The following GSTCD variants were observed in gnomAD, a reference collection of about 807,000 sequenced individuals.
The protein encoded by GSTCD is glutathione S-transferase C-terminal domain containing, also known as glutathione S-transferase C-terminal domain-containing protein.
GSTCD carries 44 observed loss-of-function variants against 68.3 expected under a neutral mutation model. The observed-to-expected ratio is 0.64, with a 90% CI of 0.51 to 0.83. The LOEUF is 0.83. Among genes scored for constraint, GSTCD ranks in the 40% least tolerant of loss-of-function variants. The pLI is 0.00. For missense variants in GSTCD, 739 were observed against 735.9 expected (o/e 1.00, Z -0.05); for synonymous variants, 273 against 255.2 (o/e 1.07, Z -0.67).
intron 5 of GSTCD, among the ~76,000 whole-genome samples, chr4:105,767,275 G>A (rs1336619679): frequency 1.3e-5 from 2 of 152,138 alleles, no homozygotes; most frequent in Non-Finnish European, 2.9e-5. Context: ...CTTGTTATAA[G>A]AGTAAGTTAC....
At chr4:105,791,989 G>A (rs1233578249) in intron 5 of GSTCD, among the ~76,000 whole-genome samples, 1 of 152,034 alleles carries the variant, frequency 6.6e-6, no homozygotes, top group Admixed American at 6.5e-5. Context: ...AGAAATTTAA[G>A]GAAAATAATG....
chr4:105,787,949 G>A (rs1406400196), intron 5 of GSTCD, among the ~76,000 whole-genome samples: 1 of 151,982 alleles, frequency 6.6e-6, no homozygotes, highest in African/African-American at 2.4e-5. Context: ...CTACAAAATT[G>A]ATAAAGTAAA....
At chr4:105,797,076 G>GTGTGTA (rs1553963658) in intron 5 of GSTCD, among the ~76,000 whole-genome samples, 1 of 151,254 alleles carries the variant, frequency 6.6e-6, no homozygotes, top group African/African-American at 2.4e-5. Context: ...GTGTGTGTGT[G>GTGTGTA]TGTATGTGTG....
chr4:105,748,058 C>A (rs895058045), intron 5 of GSTCD, among the ~76,000 whole-genome samples: 3 of 151,928 alleles, frequency 2.0e-5, no homozygotes, highest in Admixed American at 1.3e-4. Flanking sequence ...AGTTCAAGAC[C>A]AGCCTGTCCA....
At position 105,733,734 on chromosome 4, in the gene GSTCD, G is replaced by A. The variant is rs140524655; in HGVS notation, c.1240+4235G>A. On this transcript the variant is annotated intron_variant, in intron 5 of 11. Coordinates refer to ENST00000515279, the MANE Select transcript of GSTCD (RefSeq NM_001370181.1). ...GTGAATTTGATCCTGTCATTATGAT[G>A]TTAGCTGGTTATTTTGCTCGTTAGT... Among the ~76,000 whole-genome samples the A allele has an allele frequency of 2.7e-3, 414 of 152,302 alleles. 1 individual carries two copies. The highest frequency in any genetic ancestry group is 9.0e-3 in the African/African-American group (373 of 41,558).
At chr4:105,715,424 G>A (rs1732653598) in intron 1 of GSTCD, among the ~76,000 whole-genome samples, 1 of 151,974 alleles carries the variant, frequency 6.6e-6, no homozygotes, top group South Asian at 2.1e-4. Context: ...AAGTTAAAAA[G>A]TTGTTGCTTT....
At position 105,717,836 on chromosome 4, in the gene GSTCD, A is replaced by G; in HGVS notation, c.223A>G (p.Ile75Val). 1 of 1,613,564 alleles carries G rather than the reference A, an allele frequency of 6.2e-7. No individual in the cohort carries two copies. The highest frequency in any genetic ancestry group is 8.5e-7 in the Non-Finnish European group (1 of 1,179,490). ...CCTGATCCAGGATGTTGAAATACAG[A>G]TTATTTCAAGGCAGGAGCTCCCACC... ...DDLIQDVEIQ[I>V]ISRQELPPIV... The change falls in exon 2 of 12, where the codon ATT becomes GTT. Residue 75 changes from isoleucine (I) to valine (V), a missense_variant. Coordinates refer to ENST00000515279, the MANE Select transcript of GSTCD (RefSeq NM_001370181.1).
intron 5 of GSTCD, among the ~76,000 whole-genome samples, chr4:105,758,747 G>A (rs1013508598): frequency 6.6e-6 from 1 of 152,110 alleles, no homozygotes; most frequent in African/African-American, 2.4e-5. Context: ...ATTACATATT[G>A]CTAAACTGAT....
At chr4:105,814,210 A>T (rs1722873565) in intron 5 of GSTCD, among the ~76,000 whole-genome samples, 1 of 152,192 alleles carries the variant, frequency 6.6e-6, no homozygotes, top group African/African-American at 2.4e-5. Flanking sequence ...ATCCATTGTT[A>T]CTTAGGATAA....
At chr4:105,716,763 AG>A (rs1480208891) in intron 1 of GSTCD, among the ~76,000 whole-genome samples, 1 of 152,236 alleles carries the variant, frequency 6.6e-6, no homozygotes, top group African/African-American at 2.4e-5. Flanking sequence ...GCTGTTTTAG[AG>A]GAATAACAAT....
chr4:105,805,566 A>G (rs1399934263), intron 5 of GSTCD, among the ~76,000 whole-genome samples: 1 of 152,094 alleles, frequency 6.6e-6, no homozygotes, highest in Admixed American at 6.6e-5. Context: ...GGAACAGAGT[A>G]TACTCTGATG....
chr4:105,818,700 C>T (rs921016126), intron 5 of GSTCD, among the ~76,000 whole-genome samples: 3 of 151,536 alleles, frequency 2.0e-5, no homozygotes, highest in South Asian at 4.2e-4. Flanking sequence ...TATGGAACAA[C>T]GAGACAGAAT....
At chr4:105,723,158 G>A (rs1477170352) in intron 3 of GSTCD, among the ~76,000 whole-genome samples, 1 of 151,930 alleles carries the variant, frequency 6.6e-6, no homozygotes, top group Admixed American at 6.6e-5. Context: ...GAGGAAAAGA[G>A]AAAATTTCTT....
At chr4:105,717,504 C>G (rs1443067281) in intron 1 of GSTCD, 89 bp from the exon 2 acceptor site, 1 of 853,802 alleles carries the variant, frequency 1.2e-6, no homozygotes, top group East Asian at 2.6e-5. Flanking sequence ...TTACTGATTT[C>G]TAGAACAGGC....
rs539864201 is a variant in GSTCD, at chr4:105,720,491, A to C, written c.894+964A>C. On this transcript the variant is annotated intron_variant, in intron 3 of 11. Transcript: ENST00000515279. The stretch of plus-strand genomic sequence containing the variant: ...TATGTATTTGAAGGCTTTGCTTCAC[A>C]AGTAAACTCGGCAGTATTCATCAAT... Among the ~76,000 whole-genome samples, 16 of 152,330 alleles carry C rather than the reference A, an allele frequency of 1.1e-4. No individual in the cohort carries two copies. In the South Asian group the frequency reaches 3.3e-3, roughly 32 times the overall value.
intron 5 of GSTCD, among the ~76,000 whole-genome samples, chr4:105,780,801 A>G (rs939516041): frequency 4.6e-5 from 7 of 152,200 alleles, no homozygotes; most frequent in African/African-American, 1.2e-4. Context: ...AGTATATACT[A>G]TATCCCTATA....
intron 1 of GSTCD, among the ~76,000 whole-genome samples, chr4:105,710,067 G>A (rs1732472321): frequency 6.6e-6 from 1 of 151,430 alleles, no homozygotes; most frequent in African/African-American, 2.4e-5. Context: ...TATTACACCT[G>A]AAAGTATCGT....
chr4:105,710,594 AAAAT>A (rs1257165624), intron 1 of GSTCD, among the ~76,000 whole-genome samples: 1 of 152,106 alleles, frequency 6.6e-6, no homozygotes, highest in African/African-American at 2.4e-5. Context: ...TTTTTAAATA[AAAAT>A]AAATACTGAG....
intron 5 of GSTCD, among the ~76,000 whole-genome samples, chr4:105,812,566 A>G (rs1722799480): frequency 6.6e-6 from 1 of 152,168 alleles, no homozygotes; most frequent in Non-Finnish European, 1.5e-5. Flanking sequence ...CAGTGAAGAC[A>G]TAGGAGAATT....
Sources: allele counts gnomAD v4.1 joint callset (sites outside exome capture counted in the v4.1 genomes callset), GRCh38; gene constraint gnomAD v4.1.1; transcripts MANE v1.5; gene names NCBI Gene and HGNC (gene_info 2026-07-23, HGNC 2026-07-21).